Variants in ARL6IP4 observed in about 807,000 individuals in gnomAD.
The protein encoded by ARL6IP4 is ADP-ribosylation factor-like protein 6-interacting protein 4.
In ARL6IP4, 24 loss-of-function variants were observed where a neutral mutation model predicts 28.1. The ratio of observed to expected loss-of-function variants is 0.86; its 90% CI spans 0.62 to 1.20. The LOEUF is 1.20. ARL6IP4 is among the 50% of genes most tolerant of loss of function. ARL6IP4 has a pLI of 0.00. For missense variants in ARL6IP4, 343 were observed against 302.4 expected (o/e 1.13, Z -1.00); for synonymous variants, 162 against 122.3 (o/e 1.32, Z -2.14).
intron 2 of ARL6IP4, 37 bp downstream of exon 2, chr12:122,981,336 T>C (rs574590977): frequency 2.0e-6 from 3 of 1,524,258 alleles, no homozygotes; most frequent in African/African-American, 2.8e-5. Context: ...GAGGCGCAGT[T>C]ACTACCCGGG....
intron 2 of ARL6IP4, 94 bp from the exon 3 acceptor site, chr12:122,981,477 C>A: frequency 7.1e-7 from 1 of 1,400,098 alleles, no homozygotes; most frequent in Non-Finnish European, 9.4e-7. Flanking sequence ...TTCTGGAAAG[C>A]CCCTCAGGAA....
chr12:122,981,054 G>C, intron 1 of ARL6IP4, 75 bp from the exon 2 acceptor site: 1 of 1,453,996 alleles, frequency 6.9e-7, no homozygotes, highest in Non-Finnish European at 9.0e-7. Context: ...CCCCGGCCCC[G>C]CTAGAGCCAC....
chr12:122,980,485 A>G (rs769449583), upstream of ARL6IP4: 1 of 1,363,464 alleles, frequency 7.3e-7, no homozygotes, highest in South Asian at 1.9e-5. Flanking sequence ...GCGTGCGCCG[A>G]GAGGGCAGCC....
rs2037604263 is a variant in ARL6IP4, at chr12:122,980,713, G to A, written c.-44G>A. The A allele has an allele frequency of 1.4e-5, 19 of 1,327,974 alleles. No homozygotes were observed. The highest frequency in any genetic ancestry group is 1.8e-5 in the Non-Finnish European group (19 of 1,043,754). 82.3% of individuals were successfully genotyped at this position (1,327,974 alleles called of 1,614,324 possible). On this transcript the variant is annotated 5_prime_UTR_variant, in exon 1 of 6. Transcript: ENST00000315580. Reference sequence around the variant, plus strand: ...CCGCCGCTTCCTCTCGAGAAGGCGCGGGGCGGGCTGTCCGGCCCGCAGGGC... The same window carrying A: ...CCGCCGCTTCCTCTCGAGAAGGCGCAGGGCGGGCTGTCCGGCCCGCAGGGC...
intron 4 of ARL6IP4, 108 bp from the exon 5 acceptor site, chr12:122,982,361 T>C: frequency 8.9e-7 from 1 of 1,126,950 alleles, no homozygotes; most frequent in Non-Finnish European, 1.3e-6. Flanking sequence ...CACTCAAGGC[T>C]GCGGGGTGGG....
chr12:122,981,810 G>C lies in ARL6IP4; in HGVS notation c.400G>C (p.Val134Leu), dbSNP rs2037678344. Residue 134 changes from valine (V) to leucine (L), a missense_variant, in exon 3 of 6, where the codon GTG becomes CTG. By Grantham distance (32) the Val-to-Leu change is conservative. Transcript: ENST00000315580. ...CAAGGAGAAGGCGGAAGCACAGCAG[G>C]TGGAGGCTCTGCCGGGCCCCTCGCT... ...KGKEKAEAQQ[V>L]EALPGPSLDQ... 1 of 1,604,808 alleles carries C rather than the reference G, an allele frequency of 6.2e-7. No homozygotes were observed. The highest frequency in any genetic ancestry group is 1.3e-5 in the African/African-American group (1 of 74,752).
intron 2 of ARL6IP4, 55 bp from the exon 3 acceptor site, chr12:122,981,516 G>C (rs12303816): frequency 2.7e-6 from 4 of 1,466,658 alleles, no homozygotes; most frequent in Non-Finnish European, 3.6e-6. Context: ...GTCTGTGCCT[G>C]CCCCAGGCCA....
At position 122,981,878 on chromosome 12, in the gene ARL6IP4, A is replaced by T; in HGVS notation, c.468A>T (p.Pro156=). 1 of 1,612,470 alleles carries T rather than the reference A, an allele frequency of 6.2e-7. No individual in the cohort carries two copies. The highest frequency in any genetic ancestry group is 8.5e-7 in the Non-Finnish European group (1 of 1,179,206). The part of the protein sequence containing the change: ...HRSAGEEEDG[P]VLTDEQKSRI... ...CAGCTGGGGAGGAAGAGGATGGCCC[A>T]GGTACTGTGCTGCCCAGCACCTGAG... The change falls in exon 3 of 6, where the codon CCA becomes CCT. Residue 156 remains proline, a splice_region_variant and synonymous_variant. Transcript: ENST00000315580.
intron 4 of ARL6IP4, 51 bp downstream of exon 4, chr12:122,982,125 G>A (rs1455808533): frequency 2.5e-6 from 4 of 1,586,944 alleles, no homozygotes; most frequent in Admixed American, 1.7e-5. Flanking sequence ...AGTGTTGGCT[G>A]AAGATGTGTG....
At chr12:122,982,276 G>T in intron 4 of ARL6IP4, 193 bp from the exon 5 acceptor site, 1 of 800,854 alleles carries the variant, frequency 1.2e-6, no homozygotes, top group Non-Finnish European at 2.0e-6. Flanking sequence ...GTTGTTGGCC[G>T]GGCTGAGGCT....
In ARL6IP4 at chr12:122,981,247, C is replaced by T; in HGVS notation, c.108C>T (p.Cys36=). ...KKSRKDTSRN[C]SASTSQGRKA... Reference sequence around the variant, plus strand: ...GCAGGAAAGACACCTCGAGGAACTGCTCGGCCTCCACATCCCAAGGTCGCA... The same window carrying T: ...GCAGGAAAGACACCTCGAGGAACTGTTCGGCCTCCACATCCCAAGGTCGCA... Residue 36 remains cysteine (C), a synonymous_variant, in exon 2 of 6, where the codon TGC becomes TGT. Transcript: ENST00000315580. 2.6e-6 allele frequency: 4 copies of T among 1,550,006 alleles called. No individual in the cohort carries two copies. Among genetic ancestry groups the T allele is most frequent in the Non-Finnish European group, 3.5e-6 (4 of 1,146,650 alleles).
chr12:122,980,774 C>T lies in ARL6IP4; in HGVS notation c.-12+29C>T. On this transcript the variant is annotated intron_variant, in intron 1 of 5. Coordinates refer to ENST00000315580, the MANE Select transcript of ARL6IP4 (RefSeq NM_018694.4). ...GGAACGGAGCAGCCCCGGGGGCCCC[C>T]TTGAGGCGGCGAGGCCGCGAAGGGC... The T allele has an allele frequency of 8.4e-6, 11 of 1,304,868 alleles. No homozygotes were observed. The South Asian group carries it at 1.9e-4, about 22-fold the overall frequency. 80.8% of individuals were successfully genotyped at this position (1,304,868 alleles called of 1,614,324 possible).
chr12:122,981,406 G>A lies in ARL6IP4; in HGVS notation c.160+107G>A. 3 of 1,430,414 alleles carry A rather than the reference G, an allele frequency of 2.1e-6. 1 individual carries two copies. The highest frequency in any genetic ancestry group is 2.9e-5 in the South Asian group (2 of 67,826). 88.6% of individuals were successfully genotyped at this position (1,430,414 alleles called of 1,614,324 possible). On this transcript the variant is annotated intron_variant, in intron 2 of 5. Transcript: ENST00000315580. The stretch of plus-strand genomic sequence containing the variant: ...CATGCCTCTGTGCAGCCGGGCCTGA[G>A]ATGTGAGGGCCAGGCGCCGCAGGAG...
Position 122,982,900 on chromosome 12 carries a change from C to G in ARL6IP4, c.*224C>G. On this transcript the variant is annotated 3_prime_UTR_variant, in exon 6 of 6. Transcript: ENST00000315580. Reference sequence around the variant, plus strand: ...GCACTTCTCAGCTATTAAAGGCCCCCTGGATAGACTTTCTCTGTTCTGTGG... The same window carrying G: ...GCACTTCTCAGCTATTAAAGGCCCCGTGGATAGACTTTCTCTGTTCTGTGG... 3.3e-6 allele frequency: 2 copies of G among 599,434 alleles called. No individual in the cohort carries two copies. Among genetic ancestry groups the G allele is most frequent in the Non-Finnish European group, 5.9e-6 (2 of 336,944 alleles). 37.1% of individuals were successfully genotyped at this position (599,434 alleles called of 1,614,324 possible).
upstream of ARL6IP4, chr12:122,980,554 C>A: frequency 1.5e-6 from 2 of 1,352,970 alleles, no homozygotes; most frequent in Non-Finnish European, 1.9e-6. Context: ...GCTCGAGGGC[C>A]GGCGCCCCTG....
rs1038548218 is a variant in ARL6IP4 at position 122,982,855 on chromosome 12, C to T, written c.*179C>T. 2.8e-5 allele frequency: 18 copies of T among 639,820 alleles called. No homozygotes were observed. The highest frequency in any genetic ancestry group is 4.6e-5 in the Non-Finnish European group (17 of 367,770). 39.6% of individuals were successfully genotyped at this position (639,820 alleles called of 1,614,324 possible). A position where few individuals can be genotyped will look rare whatever the true frequency, so the allele number is the denominator to read the frequency against. ...AGGTTGGGGTCACCGGCCTGCTTGGCACCCCCATCTGAAAGAGCAGCACTT... is the reference window on the plus strand; with the variant it reads ...AGGTTGGGGTCACCGGCCTGCTTGGTACCCCCATCTGAAAGAGCAGCACTT... On this transcript the variant is annotated 3_prime_UTR_variant, in exon 6 of 6. Coordinates refer to ENST00000315580, the MANE Select transcript of ARL6IP4 (RefSeq NM_018694.4).
chr12:122,981,187 CCGGGGA>C lies in ARL6IP4; in HGVS notation c.54_59del (p.Arg19_Gly20del). 6.5e-7 allele frequency: 1 copy of C among 1,549,776 alleles called. No individual in the cohort carries two copies. On this transcript the variant is annotated inframe_deletion, in exon 2 of 6. Coordinates refer to ENST00000315580, the MANE Select transcript of ARL6IP4 (RefSeq NM_018694.4). ...AGCGCTCGAGGAGTCGCAGCCGGTC[CCGGGGA>C]CGGGGGTCGGAAAAGAGAAAGAAGA...
intron 1 of ARL6IP4, 115 bp from the exon 2 acceptor site, chr12:122,981,014 G>C (rs1468371149): frequency 2.8e-6 from 4 of 1,410,406 alleles, no homozygotes; most frequent in Non-Finnish European, 2.8e-6. Flanking sequence ...CATTTTCCCG[G>C]GACGGTGACG....
At chr12:122,981,464 C>T in intron 2 of ARL6IP4, 107 bp from the exon 3 acceptor site, 1 of 1,393,364 alleles carries the variant, frequency 7.2e-7, no homozygotes. Context: ...AGCTCCATCT[C>T]TGTTCTGGAA....
Sources: allele counts gnomAD v4.1 joint callset, GRCh38; gene constraint gnomAD v4.1.1; transcripts MANE v1.5; gene names NCBI Gene and HGNC (gene_info 2026-07-23, HGNC 2026-07-21).